The following HEBP1 variants were observed in gnomAD, a reference collection of about 807,000 sequenced individuals.
HEBP1 encodes heme-binding protein 1.
In HEBP1, 13 loss-of-function variants were observed where a neutral mutation model predicts 20.4. The ratio of observed to expected loss-of-function variants is 0.64; its 90% CI spans 0.42 to 1.01. The LOEUF is 1.01. HEBP1 is among the 50% of genes least tolerant of loss of function. The pLI, the probability that HEBP1 is intolerant of heterozygous loss-of-function variation, is 0.00. For synonymous variants in HEBP1, 92 were observed against 90.7 expected (o/e 1.01, Z -0.08); for missense variants, 241 against 247.3 (o/e 0.97, Z 0.17).
rs751815832 is a variant in HEBP1, at chr12:12,989,387, C to T, written c.107G>A (p.Cys36Tyr). 5 of 1,614,096 alleles carry T rather than the reference C, an allele frequency of 3.1e-6. No individual in the cohort carries two copies. Among genetic ancestry groups the T allele is most frequent in the Non-Finnish European group, 4.2e-6 (5 of 1,180,024 alleles). Reference protein sequence around the residue: ...KEEVAYEERACEGGKFATVEV... With the variant: ...KEEVAYEERAYEGGKFATVEV... The stretch of plus-strand genomic sequence containing the variant: ...TACTGTGGCAAATTTGCCGCCTTCA[C>T]AGGCCCTTTCTTCATAGGCAACTTC... Residue 36 changes from cysteine (C) to tyrosine (Y), a missense_variant, in exon 2 of 4, where the codon TGT becomes TAT. Physicochemically the swap from Cys to Tyr is radical, Grantham distance 194. Transcript: ENST00000014930.
intron 1 of HEBP1, among the ~76,000 whole-genome samples, chr12:12,993,348 T>C (rs1591577391): frequency 6.6e-6 from 1 of 152,088 alleles, no homozygotes; most frequent in East Asian, 1.9e-4. Flanking sequence ...CTAATTTTTT[T>C]TGTATTTTGT....
At chr12:12,995,348 GTA>G (rs1470679461) in intron 1 of HEBP1, among the ~76,000 whole-genome samples, 1 of 152,168 alleles carries the variant, frequency 6.6e-6, no homozygotes, top group Admixed American at 6.5e-5. Flanking sequence ...GTTCACCGCT[GTA>G]TCTCTCTGTA....
chr12:12,988,417 A>AT (rs529597297), intron 2 of HEBP1, among the ~76,000 whole-genome samples: 1 of 150,782 alleles, frequency 6.6e-6, no homozygotes, highest in South Asian at 2.1e-4. Context: ...GTCCTAGTAA[A>AT]TTTTTTTTTT....
intron 3 of HEBP1, chr12:12,978,932 TCTC>T (rs1864037879): frequency 6.6e-6 from 1 of 152,046 alleles, no homozygotes; most frequent in South Asian, 2.1e-4. Flanking sequence ...CATGTAAAAA[TCTC>T]CTTAGACTTG....
chr12:12,980,056 A>G (rs994998249), intron 3 of HEBP1: 16 of 152,362 alleles, frequency 1.1e-4, no homozygotes, highest in African/African-American at 3.8e-4. Flanking sequence ...TGACCATTCA[A>G]CTTCGAAACT....
chr12:12,990,861 G>A (rs1217292033), intron 1 of HEBP1, among the ~76,000 whole-genome samples: 1 of 152,168 alleles, frequency 6.6e-6, no homozygotes, highest in African/African-American at 2.4e-5. Context: ...TGTACTCGAT[G>A]GATCAGCTGA....
chr12:12,991,851 A>T (rs1436573226), intron 1 of HEBP1, among the ~76,000 whole-genome samples: 1 of 152,218 alleles, frequency 6.6e-6, no homozygotes, highest in African/African-American at 2.4e-5. Flanking sequence ...GAAGAAGGAA[A>T]GTTGGTCTAT....
Position 12,975,471 on chromosome 12 carries a change from C to T in HEBP1, c.407G>A (p.Gly136Asp). 6 of 1,607,178 alleles carry T rather than the reference C, an allele frequency of 3.7e-6. No homozygotes were observed. The highest frequency in any genetic ancestry group is 5.1e-6 in the Non-Finnish European group (6 of 1,177,288). The change falls in exon 4 of 4, where the codon GGT becomes GAT. Residue 136 changes from glycine to aspartate, a missense_variant. Physicochemically the swap from Gly to Asp is moderately conservative, Grantham distance 94 (BLOSUM62 -1). Transcript: ENST00000014930. ...EGITVYSMQF[G>D]GYAKEADYVA... ...GTAGTCTGCTTCCTTGGCATAACCA[C>T]CAAACTGCCTGGGGGTTCAAGAGCA... is the stretch of plus-strand genomic sequence containing the variant.
rs948772679 is a variant in HEBP1, at chr12:12,996,517, A to C, written c.78+3520T>G. On this transcript the variant is annotated intron_variant, in intron 1 of 3. Transcript: ENST00000014930. This position sits in a 1 kb window ranked among gnomAD's most constrained non-coding sequence, Gnocchi z 4.1. Reference sequence around the variant, plus strand: ...ATCTGGTGAGCCTGAAGCCCATGCTATGTGGGGAATATGGTATGCCATCAT... The same window carrying C: ...ATCTGGTGAGCCTGAAGCCCATGCTCTGTGGGGAATATGGTATGCCATCAT... 6.6e-6 allele frequency among the ~76,000 whole-genome samples: 1 copy of C among 152,186 alleles called. No individual in the cohort carries two copies. The highest frequency in any genetic ancestry group is 2.4e-5 in the African/African-American group (1 of 41,458).
intron 1 of HEBP1, among the ~76,000 whole-genome samples, chr12:12,994,817 G>A (rs1188929028): frequency 2.0e-5 from 3 of 152,160 alleles, no homozygotes; most frequent in Admixed American, 2.0e-4. Flanking sequence ...TGGCATAGAG[G>A]CGTAAATTTG....
intron 1 of HEBP1, among the ~76,000 whole-genome samples, chr12:12,992,966 A>G (rs918091668): frequency 8.5e-5 from 13 of 152,202 alleles, no homozygotes; most frequent in Non-Finnish European, 1.6e-4. Context: ...TGAAACTGAA[A>G]CAAAAATTCC....
chr12:12,989,817 C>A (rs911492626), intron 1 of HEBP1, among the ~76,000 whole-genome samples: 17 of 151,936 alleles, frequency 1.1e-4, no homozygotes, highest in Non-Finnish European at 2.5e-4. Context: ...AGGGAGGAAA[C>A]AAAAAATACA....
chr12:12,999,823 C>G (rs1864332250), intron 1 of HEBP1, among the ~76,000 whole-genome samples: 2 of 152,196 alleles, frequency 1.3e-5, no homozygotes, highest in Admixed American at 6.5e-5. Context: ...GTTTACCCCC[C>G]TCCTCTCACC....
At chr12:12,976,293 C>G (rs963471854) in intron 3 of HEBP1, among the ~76,000 whole-genome samples, 1 of 152,134 alleles carries the variant, frequency 6.6e-6, no homozygotes, top group Non-Finnish European at 1.5e-5. Flanking sequence ...GTTCCTAAAT[C>G]TGGTATTTCT....
chr12:12,977,738 A>G (rs1282411829), intron 3 of HEBP1, among the ~76,000 whole-genome samples: 1 of 152,034 alleles, frequency 6.6e-6, no homozygotes, highest in African/African-American at 2.4e-5. Context: ...TCTTCTTCCT[A>G]TGTTTTACTT....
intron 1 of HEBP1, among the ~76,000 whole-genome samples, chr12:12,994,822 A>C (rs958890280): frequency 1.3e-5 from 2 of 152,090 alleles, no homozygotes; most frequent in Non-Finnish European, 2.9e-5. Context: ...TAGAGGCGTA[A>C]ATTTGGGAGT....
At chr12:12,987,020 G>A in intron 3 of HEBP1, 132 bp downstream of exon 3, 1 of 727,114 alleles carries the variant, frequency 1.4e-6, no homozygotes, top group Non-Finnish European at 2.4e-6. Flanking sequence ...GAAACTGTTA[G>A]GATTCAGCAT....
At position 12,998,963 on chromosome 12, in the gene HEBP1, G is replaced by A. The variant is rs1055071905; in HGVS notation, c.78+1074C>T. Among the ~76,000 whole-genome samples the A allele has an allele frequency of 6.6e-5, 10 of 152,182 alleles. No individual in the cohort carries two copies. Among genetic ancestry groups the A allele is most frequent in the African/African-American group, 2.4e-4 (10 of 41,438 alleles). On this transcript the variant is annotated intron_variant, in intron 1 of 3. Transcript: ENST00000014930. The surrounding 1 kb of genome is among the most constrained non-coding windows in gnomAD (Gnocchi z 4.2). Reference sequence around the variant, plus strand: ...AGGATCTAACTGGCCAAAAGCAATGGTACAGCTCTGGGCCTTTGTGCATGC... The same window carrying A: ...AGGATCTAACTGGCCAAAAGCAATGATACAGCTCTGGGCCTTTGTGCATGC...
intron 1 of HEBP1, among the ~76,000 whole-genome samples, chr12:12,994,961 C>A (rs566832542): frequency 4.3e-4 from 66 of 152,330 alleles, no homozygotes; most frequent in African/African-American, 1.6e-3. Context: ...TCATCAAGTT[C>A]TTAACCTGCC....
Sources: gnomAD v4.1 joint callset for allele counts (sites outside exome capture counted in the v4.1 genomes callset) on GRCh38, gnomAD v4.1.1 for gene constraint, Gnocchi (gnomAD v3.1) non-coding constraint, MANE v1.5 for transcripts, NCBI Gene and HGNC (gene_info 2026-07-23, HGNC 2026-07-21) for gene names.